Variants in MASP2 observed in about 807,000 individuals in gnomAD.
MASP2 encodes mannan-binding lectin serine protease 2.
A neutral mutation model predicts 57.1 loss-of-function variants in MASP2; 49 were observed. The ratio of observed to expected loss-of-function variants is 0.86; its 90% confidence interval spans 0.68 to 1.09. The LOEUF is 1.09. Among genes scored for constraint, MASP2 ranks in the 50% least tolerant of loss-of-function variants. MASP2 has a pLI of 0.00. For synonymous variants in MASP2, 379 were observed against 340.8 expected, an observed-to-expected ratio of 1.11 and a Z score of -1.24; for missense variants, 900 against 874.8, an observed-to-expected ratio of 1.03 and a Z score of -0.36.
At chr1:11,042,003 T>C (rs1372674661) in intron 6 of MASP2, among the ~76,000 whole-genome samples, 6 of 148,722 alleles carry the variant, frequency 4.0e-5, no homozygotes, top group African/African-American at 1.5e-4. Flanking sequence ...GGTGCATGGA[T>C]GGATAAGTAG....
chr1:11,037,661 C>G (rs376153669), intron 7 of MASP2, 32 bp downstream of exon 7: 10 of 1,350,000 alleles, frequency 7.4e-6, no homozygotes, highest in Non-Finnish European at 1.0e-5. Flanking sequence ...AAGCAATCGT[C>G]ATTGATCGTG....
intron 10 of MASP2, among the ~76,000 whole-genome samples, chr1:11,028,104 C>T (rs892383020): frequency 2.0e-5 from 3 of 152,022 alleles, no homozygotes; most frequent in Non-Finnish European, 4.4e-5. Flanking sequence ...CACCTGTAAT[C>T]CCAGCCACTT....
At chr1:11,046,073 T>C in intron 3 of MASP2, 1 of 232,026 alleles carries the variant, frequency 4.3e-6, no homozygotes, top group Non-Finnish European at 8.6e-6. Context: ...AGTGTAGTGG[T>C]GCAATCTCTG....
intron 5 of MASP2, 121 bp from the exon 6 acceptor site, chr1:11,043,143 T>C (rs1320843864): frequency 1.7e-6 from 2 of 1,151,054 alleles, no homozygotes; most frequent in African/African-American, 1.5e-5. Flanking sequence ...AGGCCATGGA[T>C]TGGGGTGCCC....
intron 8 of MASP2, among the ~76,000 whole-genome samples, chr1:11,034,007 G>A (rs1643871636): frequency 6.6e-6 from 1 of 150,980 alleles, no homozygotes; most frequent in Non-Finnish European, 1.5e-5. Flanking sequence ...GGAGGCCCAG[G>A]TGGGCAGATC....
At chr1:11,028,140 T>G (rs1281073951) in intron 10 of MASP2, among the ~76,000 whole-genome samples, 1 of 151,958 alleles carries the variant, frequency 6.6e-6, no homozygotes, top group Non-Finnish European at 1.5e-5. Context: ...GAGAGTTGCT[T>G]GAACCTGGGA....
In MASP2 at chr1:11,045,092, C is replaced by A; in HGVS notation, c.544+316G>T. 14 of 863,470 alleles carry A rather than the reference C, an allele frequency of 1.6e-5. No homozygotes were observed. In the South Asian group the frequency reaches 1.9e-4, roughly 12 times the overall value. The allele number at this position is 863,470 out of a possible 1,614,324, so 53.5% of individuals were successfully genotyped here. On this transcript the variant is annotated intron_variant, in intron 4 of 10. Transcript: ENST00000400897. ...TCCCACAGTGCAGGGAACCAGGGAA[C>A]CAGGTCCCAAGGAACGAGGGCTAGA...
chr1:11,042,904 G>A lies in MASP2; in HGVS notation c.860C>T (p.Thr287Ile). The change falls in exon 6 of 11, where the codon ACA (threonine) becomes ATA (isoleucine). Residue 287 changes from threonine to isoleucine, a missense_variant. Coordinates refer to ENST00000400897, the MANE Select transcript of MASP2 (RefSeq NM_006610.4). ...GCTCGTGTAGTGGATCTTCCAGCCT[G>A]TGTGGTCTCCTGATTCATCTGTGAC... ...TFVTDESGDH[T>I]GWKIHYTSTA... 1.2e-6 allele frequency: 2 copies of A among 1,614,010 alleles called. No homozygotes were observed. The highest frequency in any genetic ancestry group is 1.7e-6 in the Non-Finnish European group (2 of 1,179,926).
chr1:11,043,298 G>T, intron 5 of MASP2, 41 bp downstream of exon 5: 1 of 1,547,740 alleles, frequency 6.5e-7, no homozygotes, highest in South Asian at 1.2e-5. Context: ...CTGGGCTGAG[G>T]GGGAGGATCT....
chr1:11,038,196 T>A (rs1488091620), intron 6 of MASP2, among the ~76,000 whole-genome samples: 4 of 152,148 alleles, frequency 2.6e-5, no homozygotes, highest in African/African-American at 4.8e-5. Flanking sequence ...GGAGCTGTGT[T>A]TAAATCCTAG....
intron 8 of MASP2, 134 bp from the exon 9 acceptor site, chr1:11,031,016 A>C: frequency 1.2e-6 from 1 of 824,120 alleles, no homozygotes; most frequent in South Asian, 1.9e-5. Flanking sequence ...CAGCCTGGGC[A>C]ACATGGCAAG....
At chr1:11,040,933 G>A (rs963707362) in intron 6 of MASP2, among the ~76,000 whole-genome samples, 1 of 151,540 alleles carries the variant, frequency 6.6e-6, no homozygotes, top group Non-Finnish European at 1.5e-5. Flanking sequence ...GTAGAAGGAT[G>A]GGTGGGTAGA....
In MASP2 at chr1:11,030,489, A is replaced by G. The variant is rs904793167; in HGVS notation, c.1223-239T>C. 1.4e-5 allele frequency: 8 copies of G among 580,180 alleles called. No individual in the cohort carries two copies. The African/African-American group carries it at 1.5e-4, about 11-fold the overall frequency. The allele number at this position is 580,180 out of a possible 1,614,324, so 35.9% of individuals were successfully genotyped here. On this transcript the variant is annotated intron_variant, in intron 9 of 10. Coordinates refer to ENST00000400897, the MANE Select transcript of MASP2 (RefSeq NM_006610.4). ...GTATCAAGATCTCAAGTGCTTAATG[A>G]TAAGGTGTTGACTTGTTAAATTAAA... is the stretch of plus-strand genomic sequence containing the variant.
rs752125620 is a variant in MASP2, at chr1:11,046,908, C to T, written c.217G>A (p.Glu73Lys). 1.1e-5 allele frequency: 18 copies of T among 1,569,408 alleles called. No individual in the cohort carries two copies. The East Asian group carries it at 2.1e-4, about 18-fold the overall frequency. ...HFDLELSHLC[E>K]YDFVKLSSGA... is the part of the protein sequence containing the mutation. The stretch of plus-strand genomic sequence containing the variant: ...GACGGCACCTTGACGAAGTCGTACT[C>T]GCAGAGGTGGGAGAGCTCCAGGTCG... Residue 73 changes from glutamate to lysine, a missense_variant, in exon 2 of 11, where the codon GAG becomes AAG. By Grantham distance (56) the Glu-to-Lys change is moderately conservative. Coordinates refer to ENST00000400897, the MANE Select transcript of MASP2 (RefSeq NM_006610.4).
At chr1:11,028,021 A>G (rs1404267657) in intron 10 of MASP2, among the ~76,000 whole-genome samples, 1 of 152,188 alleles carries the variant, frequency 6.6e-6, no homozygotes, top group East Asian at 1.9e-4. Context: ...CAGGAGTTTG[A>G]GACCAGCCTG....
chr1:11,045,702 G>A, intron 3 of MASP2, 163 bp from the exon 4 acceptor site: 1 of 710,010 alleles, frequency 1.4e-6, no homozygotes, highest in Non-Finnish European at 2.3e-6. Context: ...ACAGGCCTAG[G>A]GTCGCTGCAA....
intron 4 of MASP2, among the ~76,000 whole-genome samples, chr1:11,044,165 C>A (rs895236910): frequency 1.3e-5 from 2 of 152,192 alleles, no homozygotes; most frequent in African/African-American, 2.4e-5. Context: ...TCTCTCATCA[C>A]CCCCTTTCCC....
intron 10 of MASP2, among the ~76,000 whole-genome samples, chr1:11,028,983 C>A (rs1316537194): frequency 7.4e-6 from 1 of 134,416 alleles, no homozygotes; most frequent in Non-Finnish European, 1.6e-5. Context: ...AAAGTGCTGA[C>A]TTTTTTTTTC....
At chr1:11,035,144 C>G (rs1252100622) in intron 7 of MASP2, among the ~76,000 whole-genome samples, 1 of 152,140 alleles carries the variant, frequency 6.6e-6, no homozygotes, top group Admixed American at 6.6e-5. Context: ...TTTCATCACT[C>G]AACAGGTATT....
Sources: gnomAD v4.1 joint callset for allele counts (sites outside exome capture counted in the v4.1 genomes callset) on GRCh38, gnomAD v4.1.1 for gene constraint, MANE v1.5 for transcripts, NCBI Gene and HGNC (gene_info 2026-07-23, HGNC 2026-07-21) for gene names.